EHBP1: variants seen among roughly 807,000 people sequenced by gnomAD.
EHBP1 encodes EH domain-binding protein 1.
EHBP1 carries 55 observed loss-of-function variants against 144.0 expected under a neutral mutation model. The observed-to-expected ratio is 0.38, with a 90% confidence interval of 0.31 to 0.48. The LOEUF is 0.48. Ranked by LOEUF, EHBP1 falls within the 20% of genes least tolerant of loss-of-function variation. EHBP1 has a pLI of 0.98. For synonymous variants in EHBP1, 469 were observed against 472.7 expected (o/e 0.99, Z 0.10); for missense variants, 1,200 against 1,364.2 (o/e 0.88, Z 1.90).
chr2:62,960,210 C>T (rs2057930132), intron 14 of EHBP1, among the ~76,000 whole-genome samples: 1 of 152,172 alleles, frequency 6.6e-6, no homozygotes, highest in South Asian at 2.1e-4. Context: ...CCCAACTACT[C>T]AGCATGGCCT....
In EHBP1 at chr2:62,745,262, T is replaced by C. The variant is rs372709175; in HGVS notation, c.105-2133T>C. Among the ~76,000 whole-genome samples the C allele has an allele frequency of 5.1e-4, 77 of 152,186 alleles. 1 individual carries two copies. Among genetic ancestry groups the C allele is most frequent in the African/African-American group, 1.8e-3 (73 of 41,530 alleles). Reference sequence around the variant, plus strand: ...TGGTTGATAAAATAGTGCAGTCTAGTGTGAGAGACAGAAATAATAAATACT... The same window carrying C: ...TGGTTGATAAAATAGTGCAGTCTAGCGTGAGAGACAGAAATAATAAATACT... On this transcript the variant is annotated intron_variant, in intron 2 of 22. Transcript: ENST00000431489.
chr2:62,934,706 G>A (rs1574124133), intron 10 of EHBP1, among the ~76,000 whole-genome samples: 1 of 152,120 alleles, frequency 6.6e-6, no homozygotes, highest in East Asian at 1.9e-4. Flanking sequence ...GGACATGCTT[G>A]GTTACGTGAA....
intron 5 of EHBP1, among the ~76,000 whole-genome samples, chr2:62,780,389 A>G (rs2042342277): frequency 6.6e-6 from 1 of 152,100 alleles, no homozygotes; most frequent in Non-Finnish European, 1.5e-5. Context: ...TATAATAGAT[A>G]TGACTAGGAG....
chr2:62,724,595 A>C (rs1319200852), intron 2 of EHBP1, among the ~76,000 whole-genome samples: 2 of 149,466 alleles, frequency 1.3e-5, no homozygotes, highest in Non-Finnish European at 3.0e-5. Context: ...TTTCATCTTT[A>C]TGGGCTGATG....
chr2:62,762,135 G>T (rs1019399755), intron 3 of EHBP1, among the ~76,000 whole-genome samples: 11 of 152,066 alleles, frequency 7.2e-5, no homozygotes, highest in Non-Finnish European at 1.3e-4. Context: ...TAAACCCAGT[G>T]ACCGTTTTTC....
chr2:62,675,534 G>A (rs1360158388), intron 1 of EHBP1, among the ~76,000 whole-genome samples: 1 of 152,130 alleles, frequency 6.6e-6, no homozygotes, highest in Non-Finnish European at 1.5e-5. Flanking sequence ...TTGAAACTTT[G>A]AGGAGAGCCA....
intron 19 of EHBP1, among the ~76,000 whole-genome samples, chr2:63,012,413 C>T (rs182041346): frequency 3.7e-4 from 57 of 152,088 alleles, no homozygotes; most frequent in African/African-American, 1.2e-3. Context: ...AGATACTTGT[C>T]ATAAATTAGG....
At chr2:62,825,730 C>A (rs539025952) in intron 5 of EHBP1, among the ~76,000 whole-genome samples, 1 of 152,066 alleles carries the variant, frequency 6.6e-6, no homozygotes, top group African/African-American at 2.4e-5. Context: ...AAGCAAATAA[C>A]TGTTGAGTAT....
At chr2:62,743,390 T>A (rs973558159) in intron 2 of EHBP1, among the ~76,000 whole-genome samples, 9 of 152,140 alleles carry the variant, frequency 5.9e-5, no homozygotes, top group Non-Finnish European at 1.0e-4. Context: ...CTAAGGTCTT[T>A]TCATCTTCTC....
chr2:63,042,046 T>G (rs1486552698), intron 21 of EHBP1, among the ~76,000 whole-genome samples: 1 of 152,158 alleles, frequency 6.6e-6, no homozygotes, highest in Non-Finnish European at 1.5e-5. Context: ...CAGAATCTCT[T>G]TATTTCAACA....
At chr2:62,937,222 G>A (rs1261701634) in intron 10 of EHBP1, among the ~76,000 whole-genome samples, 1 of 152,198 alleles carries the variant, frequency 6.6e-6, no homozygotes, top group African/African-American at 2.4e-5. Context: ...AAGTGCTACA[G>A]CAGTATTTTC....
chr2:62,752,228 A>G (rs1052817936), intron 3 of EHBP1, among the ~76,000 whole-genome samples: 3 of 152,122 alleles, frequency 2.0e-5, no homozygotes, highest in African/African-American at 4.8e-5. Context: ...TTCTGCCTTC[A>G]TTTCGTTACG....
chr2:62,837,390 A>G (rs2047363243), intron 7 of EHBP1, among the ~76,000 whole-genome samples: 1 of 149,652 alleles, frequency 6.7e-6, no homozygotes, highest in Admixed American at 6.7e-5. Flanking sequence ...AAATCATGCC[A>G]AAATGTAAAG....
In EHBP1 at chr2:62,804,287, A is replaced by G. The variant is rs544020322; in HGVS notation, c.313-21800A>G. Among the ~76,000 whole-genome samples, 19 of 152,302 alleles carry G rather than the reference A, an allele frequency of 1.2e-4. No individual in the cohort carries two copies. In the East Asian group the frequency reaches 2.7e-3, roughly 22 times the overall value. ...TTGAACTTGATTGTGGAAGCAGAGA[A>G]AAAAAACCTTGACAAATTACAAGCA... On this transcript the variant is annotated intron_variant, in intron 5 of 22. Coordinates refer to ENST00000431489, the MANE Select transcript of EHBP1 (RefSeq NM_001142616.3).
upstream of EHBP1, among the ~76,000 whole-genome samples, chr2:62,702,717 A>G (rs1028040432): frequency 1.3e-5 from 2 of 152,240 alleles, no homozygotes; most frequent in African/African-American, 2.4e-5. Flanking sequence ...GATGTTTGGC[A>G]CTAAGTATTG....
In EHBP1 at chr2:62,960,710, C is replaced by T. The variant is rs140847089; in HGVS notation, c.2460+5050C>T. Among the ~76,000 whole-genome samples, 593 of 152,138 alleles carry T rather than the reference C, an allele frequency of 3.9e-3. 9 individuals are homozygous for T. The highest frequency in any genetic ancestry group is 2.4e-3 in the Non-Finnish European group (163 of 67,970). On this transcript the variant is annotated intron_variant, in intron 14 of 22. Transcript: ENST00000431489. Reference sequence around the variant, plus strand: ...TAAAAAATTAGCTTAAACATGAAAACTTTGCTATAAGGAGGTTCTTAGTAG... The same window carrying T: ...TAAAAAATTAGCTTAAACATGAAAATTTTGCTATAAGGAGGTTCTTAGTAG...
rs780600642 is a variant in EHBP1 at position 62,831,099 on chromosome 2, A to G, written c.575A>G (p.Asp192Gly). Reference sequence around the variant, plus strand: ...GGCAATTTAGATGACTTCGAAGAAGATAATGAAGATGATGATGAGAACAGA... The same window carrying G: ...GGCAATTTAGATGACTTCGAAGAAGGTAATGAAGATGATGATGAGAACAGA... ...DIGNLDDFEE[D>G]NEDDDENRVN... The change falls in exon 7 of 23, where the codon GAT (aspartate) becomes GGT (glycine). Residue 192 changes from aspartate (D) to glycine (G), a missense_variant. By Grantham distance (94) the Asp-to-Gly change is moderately conservative (BLOSUM62 -1). This residue lies in a region of EHBP1 where 266 missense variants were observed against 262.4 expected (regional missense o/e 1.01). Transcript: ENST00000431489. 10 of 1,609,560 alleles carry G rather than the reference A, an allele frequency of 6.2e-6. No homozygotes were observed. Among genetic ancestry groups the G allele is most frequent in the Non-Finnish European group, 8.5e-6 (10 of 1,178,852 alleles).
intron 10 of EHBP1, among the ~76,000 whole-genome samples, chr2:62,878,128 A>G (rs186017699): frequency 4.7e-4 from 71 of 152,320 alleles, no homozygotes; most frequent in African/African-American, 1.6e-3. Flanking sequence ...AATACCAGAA[A>G]TGACAAAGGA....
intron 1 of EHBP1, among the ~76,000 whole-genome samples, chr2:62,698,484 A>G (rs1246991652): frequency 6.6e-6 from 1 of 152,244 alleles, no homozygotes; most frequent in Non-Finnish European, 1.5e-5. Context: ...GATTTTTAAA[A>G]TTTTAAAGAT....
Sources: allele counts gnomAD v4.1 joint callset (sites outside exome capture counted in the v4.1 genomes callset), GRCh38; gene constraint gnomAD v4.1.1; regional missense constraint gnomAD v4.1.1; transcripts MANE v1.5; gene names NCBI Gene and HGNC (gene_info 2026-07-23, HGNC 2026-07-21).